The following IL17RD variants were observed in gnomAD, a reference collection of about 807,000 sequenced individuals.
IL17RD encodes interleukin 17 receptor D, also known as interleukin-17 receptor D.
IL17RD carries 52 observed loss-of-function variants against 80.5 expected under a neutral mutation model. The ratio of observed to expected loss-of-function variants is 0.65; its 90% CI spans 0.52 to 0.81. The LOEUF (loss-of-function observed/expected upper bound fraction) is 0.81, where lower values mean the gene tolerates loss of function less well. Among genes scored for constraint, IL17RD ranks in the 40% least tolerant of loss-of-function variants. IL17RD has a pLI of 0.00. For synonymous variants in IL17RD, 416 were observed against 391.8 expected, an observed-to-expected ratio of 1.06 and a Z score of -0.73; for missense variants, 1,024 against 955.1, an observed-to-expected ratio of 1.07 and a Z score of -0.95.
At chr3:57,149,602 T>G (rs1354246165) in intron 1 of IL17RD, among the ~76,000 whole-genome samples, 1 of 152,210 alleles carries the variant, frequency 6.6e-6, no homozygotes. Context: ...TAAATTAAGT[T>G]TAAGTAAAAT....
rs987456806 is a variant in IL17RD, at chr3:57,094,711, G to A, written c.*1682C>T. On this transcript the variant is annotated 3_prime_UTR_variant, in exon 13 of 13. Transcript: ENST00000296318. ...CACAGAATGCCTAGGATGAAATGGCGGGGCAGTCATGTGTGGGTAGGAGCT... is the reference window on the plus strand; with the variant it reads ...CACAGAATGCCTAGGATGAAATGGCAGGGCAGTCATGTGTGGGTAGGAGCT... 6.6e-5 allele frequency: 10 copies of A among 152,154 alleles called. No homozygotes were observed. Among genetic ancestry groups the A allele is most frequent in the Non-Finnish European group, 1.3e-4 (9 of 68,034 alleles). The allele number at this position is 152,154 out of a possible 1,614,324, so 9.4% of individuals were successfully genotyped here. A position where few individuals can be genotyped will look rare whatever the true frequency, so the allele number is the denominator to read the frequency against.
intron 1 of IL17RD, among the ~76,000 whole-genome samples, chr3:57,125,892 A>C (rs1053542025): frequency 6.6e-6 from 1 of 152,228 alleles, no homozygotes; most frequent in Non-Finnish European, 1.5e-5. Context: ...ATAGTCCTTG[A>C]TAAGTATAAG....
rs1560190437 is a variant in IL17RD, at chr3:57,093,440, C to T, written c.*2953G>A. 2 of 152,178 alleles carry T rather than the reference C, an allele frequency of 1.3e-5. No homozygotes were observed. Among genetic ancestry groups the T allele is most frequent in the African/African-American group, 2.4e-5 (1 of 41,430 alleles). The allele number at this position is 152,178 out of a possible 1,614,324, so 9.4% of individuals were successfully genotyped here. A position where few individuals can be genotyped will look rare whatever the true frequency, so the allele number is the denominator to read the frequency against. The stretch of plus-strand genomic sequence containing the variant: ...TTCCTCAAGGAATAAAATTGGTCCT[C>T]TTGCCCCTTATTTCTTTTAAAAGAA... On this transcript the variant is annotated 3_prime_UTR_variant, in exon 13 of 13. Coordinates refer to ENST00000296318, the MANE Select transcript of IL17RD (RefSeq NM_017563.5).
At chr3:57,099,129 G>A (rs1343507630) in intron 11 of IL17RD, among the ~76,000 whole-genome samples, 1 of 152,226 alleles carries the variant, frequency 6.6e-6, no homozygotes, top group African/African-American at 2.4e-5. Context: ...ATAGCCTCAG[G>A]CTCACCTATG....
chr3:57,168,345 T>C (rs901807314), upstream of IL17RD, among the ~76,000 whole-genome samples: 4 of 152,234 alleles, frequency 2.6e-5, no homozygotes, highest in Non-Finnish European at 4.4e-5. Context: ...TTCCCTCCCA[T>C]CCACAGCTCA....
At chr3:57,152,441 C>T (rs1404921726) in intron 1 of IL17RD, among the ~76,000 whole-genome samples, 2 of 152,214 alleles carry the variant, frequency 1.3e-5, no homozygotes, top group African/African-American at 4.8e-5. Context: ...CTCGGCATGA[C>T]ATTTCATGGC....
At chr3:57,111,058 C>T (rs931524301) in intron 3 of IL17RD, among the ~76,000 whole-genome samples, 3 of 152,326 alleles carry the variant, frequency 2.0e-5, no homozygotes, top group East Asian at 1.9e-4. Context: ...CGGTCACAAG[C>T]GCCAGCACCG....
chr3:57,121,323 G>A (rs925720879), intron 1 of IL17RD, among the ~76,000 whole-genome samples: 3 of 152,106 alleles, frequency 2.0e-5, no homozygotes, highest in Admixed American at 6.6e-5. Flanking sequence ...TGGAGCCCAG[G>A]GTTTTCAGCC....
At chr3:57,164,879 G>A (rs1004087611) in intron 1 of IL17RD, 2 of 1,193,664 alleles carry the variant, frequency 1.7e-6, no homozygotes, top group Non-Finnish European at 1.0e-6. Context: ...CAGCCCCGCC[G>A]CCCCTCACGC....
At chr3:57,147,847 T>C (rs1211091279) in intron 1 of IL17RD, among the ~76,000 whole-genome samples, 2 of 152,142 alleles carry the variant, frequency 1.3e-5, no homozygotes, top group African/African-American at 4.8e-5. Flanking sequence ...TCTGTTTGTG[T>C]GTTCAAGGGT....
rs1217695660 is a variant in IL17RD, at chr3:57,164,978, GC to G, written c.126+182del. 34 of 1,331,014 alleles carry G rather than the reference GC, an allele frequency of 2.6e-5. No homozygotes were observed. In the South Asian group the frequency reaches 5.5e-4, roughly 22 times the overall value. 82.5% of individuals were successfully genotyped at this position (1,331,014 alleles called of 1,614,324 possible). Reference sequence around the variant, plus strand: ...GGCAGCCGCTTTCATCTCGGCCAGGGCCGGAGGACACGCGTCCGGGGAGGGA... The same window carrying G: ...GGCAGCCGCTTTCATCTCGGCCAGGGCGGAGGACACGCGTCCGGGGAGGGA... On this transcript the variant is annotated intron_variant, in intron 1 of 12. Transcript: ENST00000296318.
chr3:57,111,582 A>G (rs775905596), intron 3 of IL17RD, among the ~76,000 whole-genome samples: 4 of 152,214 alleles, frequency 2.6e-5, no homozygotes, highest in Non-Finnish European at 5.9e-5. Flanking sequence ...TATTAATACT[A>G]AGATTTAATT....
upstream of IL17RD, among the ~76,000 whole-genome samples, chr3:57,169,000 G>A (rs929111812): frequency 6.6e-6 from 1 of 152,262 alleles, no homozygotes; most frequent in Non-Finnish European, 1.5e-5. Context: ...TTAAAGGCGT[G>A]AGCCGCCGCT....
chr3:57,105,454 T>C (rs1348579115), intron 7 of IL17RD, among the ~76,000 whole-genome samples: 2 of 146,820 alleles, frequency 1.4e-5, no homozygotes, highest in African/African-American at 5.1e-5. Context: ...GGAGAATCGT[T>C]TGAACCCAGG....
chr3:57,105,917 G>A lies in IL17RD; in HGVS notation c.687C>T (p.Phe229=). The A allele has an allele frequency of 6.2e-7, 1 of 1,613,944 alleles. No individual in the cohort carries two copies. Among genetic ancestry groups the A allele is most frequent in the East Asian group, 2.2e-5 (1 of 44,886 alleles). ...DHAPHNFGFR[F]FYLHYKLKHE... is the part of the protein sequence containing the mutation. ...GCTTGAGCTTGTAGTGAAGATAGAA[G>A]AAACGGAAGCCGAAGTTGTGCGGTG... The change falls in exon 7 of 13, where the codon TTC becomes TTT. Residue 229 remains phenylalanine (F), a synonymous_variant. Coordinates refer to ENST00000296318, the MANE Select transcript of IL17RD (RefSeq NM_017563.5).
chr3:57,169,493 C>A, upstream of IL17RD: 1 of 215,108 alleles, frequency 4.6e-6, no homozygotes, highest in Non-Finnish European at 9.5e-6. Context: ...TAAGAAAAAT[C>A]CTTAACGCAA....
intron 12 of IL17RD, 42 bp from the exon 13 acceptor site, chr3:57,096,547 T>A: frequency 7.4e-7 from 1 of 1,345,088 alleles, no homozygotes; most frequent in South Asian, 1.2e-5. Flanking sequence ...GTCATTGCAT[T>A]TCACTGGGCT....
chr3:57,094,417 CA>C lies in IL17RD; in HGVS notation c.*1975del, dbSNP rs890704521. On this transcript the variant is annotated 3_prime_UTR_variant, in exon 13 of 13. Coordinates refer to ENST00000296318, the MANE Select transcript of IL17RD (RefSeq NM_017563.5). ...TAACTAGCACTCTCTTTTTCTCTTC[CA>C]TTTTCTTAAGGAGTGAGTTCACATA... 2.0e-5 allele frequency: 3 copies of C among 152,118 alleles called. No individual in the cohort carries two copies. Among genetic ancestry groups the C allele is most frequent in the African/African-American group, 7.2e-5 (3 of 41,406 alleles). 9.4% of individuals were successfully genotyped at this position (152,118 alleles called of 1,614,324 possible).
chr3:57,118,333 G>A (rs564748744), intron 2 of IL17RD, among the ~76,000 whole-genome samples: 1 of 152,326 alleles, frequency 6.6e-6, no homozygotes, highest in Admixed American at 6.5e-5. Context: ...GCCAGCAACT[G>A]TGGGTGTGAA....
Sources: gnomAD v4.1 joint callset for allele counts (sites outside exome capture counted in the v4.1 genomes callset) on GRCh38, gnomAD v4.1.1 for gene constraint, MANE v1.5 for transcripts, NCBI Gene and HGNC (gene_info 2026-07-23, HGNC 2026-07-21) for gene names.